Variants in MCTP1 observed in about 807,000 individuals in gnomAD.
The protein encoded by MCTP1 is multiple C2 and transmembrane domain-containing protein 1.
In MCTP1, 69 loss-of-function variants were observed where a neutral mutation model predicts 120.6. The observed-to-expected ratio is 0.57, with a 90% CI of 0.47 to 0.70. The LOEUF is 0.70. Ranked by LOEUF, MCTP1 falls within the 30% of genes least tolerant of loss-of-function variation. The probability of loss-of-function intolerance (pLI) is 0.00; values close to 1 mark genes in which losing one functional copy is unlikely to be tolerated. For missense variants in MCTP1, 1,203 were observed against 1,248.8 expected (o/e 0.96, Z 0.55); for synonymous variants, 529 against 493.1 (o/e 1.07, Z -0.96).
chr5:95,057,818 A>C (rs1478539003), intron 1 of MCTP1, among the ~76,000 whole-genome samples: 1 of 152,204 alleles, frequency 6.6e-6, no homozygotes, highest in Non-Finnish European at 1.5e-5. Context: ...GTGGATCACC[A>C]ATGATCCGCA....
At chr5:94,855,781 A>G (rs1794620565) in intron 17 of MCTP1, among the ~76,000 whole-genome samples, 1 of 151,810 alleles carries the variant, frequency 6.6e-6, no homozygotes, top group African/African-American at 2.4e-5. Context: ...CTGCTTTAAC[A>G]AACACCATGA....
At chr5:95,087,509 G>T (rs1231539747) in intron 1 of MCTP1, among the ~76,000 whole-genome samples, 1 of 152,186 alleles carries the variant, frequency 6.6e-6, no homozygotes, top group East Asian at 1.9e-4. Flanking sequence ...ATGTGGGAAG[G>T]GGCTAGATCT....
At chr5:95,235,019 T>C (rs1188620731) in intron 1 of MCTP1, among the ~76,000 whole-genome samples, 1 of 151,980 alleles carries the variant, frequency 6.6e-6, no homozygotes, top group African/African-American at 2.4e-5. Context: ...ACAAAGACAT[T>C]ATAAGAAAAC....
chr5:95,134,215 T>C (rs1046092334), intron 1 of MCTP1, among the ~76,000 whole-genome samples: 2 of 152,234 alleles, frequency 1.3e-5, no homozygotes, highest in Non-Finnish European at 2.9e-5. Flanking sequence ...CAGTGTAGTA[T>C]GTTTATGATT....
intron 1 of MCTP1, among the ~76,000 whole-genome samples, chr5:95,243,957 C>T (rs1412780728): frequency 6.6e-6 from 1 of 152,188 alleles, no homozygotes; most frequent in African/African-American, 2.4e-5. Flanking sequence ...ACTGGTGCCT[C>T]GCCTTTCACA....
At chr5:94,979,824 GCTTTT>G (rs1021996877) in intron 2 of MCTP1, among the ~76,000 whole-genome samples, 1 of 151,946 alleles carries the variant, frequency 6.6e-6, no homozygotes, top group African/African-American at 2.4e-5. Flanking sequence ...AAGAAAAACA[GCTTTT>G]CTTAGGTTAA....
chr5:95,265,498 C>T (rs1048848501), intron 1 of MCTP1, among the ~76,000 whole-genome samples: 4 of 152,232 alleles, frequency 2.6e-5, no homozygotes, highest in Non-Finnish European at 5.9e-5. Flanking sequence ...TCTTTCTTCA[C>T]GGTGATTTCA....
chr5:94,873,471 A>T (rs1798204979), intron 12 of MCTP1, among the ~76,000 whole-genome samples: 1 of 152,056 alleles, frequency 6.6e-6, no homozygotes, highest in Non-Finnish European at 1.5e-5. Flanking sequence ...AAAGTAAAAG[A>T]GACAAAATTA....
At chr5:95,224,799 C>T (rs186994991) in intron 1 of MCTP1, among the ~76,000 whole-genome samples, 30 of 152,304 alleles carry the variant, frequency 2.0e-4, no homozygotes, top group Non-Finnish European at 3.2e-4. Flanking sequence ...GCATGAGCCA[C>T]CACACCCAGC....
At chr5:94,835,175 G>A (rs1281057607) in intron 17 of MCTP1, among the ~76,000 whole-genome samples, 2 of 152,148 alleles carry the variant, frequency 1.3e-5, no homozygotes, top group African/African-American at 4.8e-5. Context: ...AGATTTAAGG[G>A]TTTGAGCATT....
Position 95,025,912 on chromosome 5 carries a change from A to T in MCTP1, c.721-8428T>A, listed in dbSNP as rs1220668931. 2.0e-5 allele frequency among the ~76,000 whole-genome samples: 3 copies of T among 152,196 alleles called. No individual in the cohort carries two copies. In the East Asian group the frequency reaches 5.8e-4, roughly 29 times the overall value. On this transcript the variant is annotated intron_variant, in intron 1 of 22. Transcript: ENST00000515393. Reference sequence around the variant, plus strand: ...AAGATTCTCCAGACTTTTCTTATAGATATCATGAAACACCTGAGTAATATG... The same window carrying T: ...AAGATTCTCCAGACTTTTCTTATAGTTATCATGAAACACCTGAGTAATATG...
intron 1 of MCTP1, among the ~76,000 whole-genome samples, chr5:95,243,933 G>A (rs998935063): frequency 2.0e-5 from 3 of 152,174 alleles, no homozygotes; most frequent in African/African-American, 7.2e-5. Context: ...GAGAGTATTC[G>A]AAGACGATTC....
chr5:95,283,829 G>C lies in MCTP1; in HGVS notation c.720+27C>G, dbSNP rs1227833741. Reference sequence around the variant, plus strand: ...AGGGAGGCGTGGTCCCGCGCACCTTGTCTCCGGCCGCGCCACCGGCACTCA... The same window carrying C: ...AGGGAGGCGTGGTCCCGCGCACCTTCTCTCCGGCCGCGCCACCGGCACTCA... On this transcript the variant is annotated intron_variant, in intron 1 of 22. Coordinates refer to ENST00000515393, the MANE Select transcript of MCTP1 (RefSeq NM_024717.7). The C allele has an allele frequency of 1.2e-5, 14 of 1,201,140 alleles. No individual in the cohort carries two copies. In the African/African-American group the frequency reaches 2.3e-4, roughly 20 times the overall value. 74.4% of individuals were successfully genotyped at this position (1,201,140 alleles called of 1,614,324 possible).
chr5:94,988,120 T>C (rs1320900280), intron 2 of MCTP1, among the ~76,000 whole-genome samples: 2 of 152,186 alleles, frequency 1.3e-5, no homozygotes, highest in African/African-American at 2.4e-5. Context: ...GATATGTCTT[T>C]ATTTCTATAT....
intron 7 of MCTP1, among the ~76,000 whole-genome samples, chr5:94,922,729 C>A (rs1222652034): frequency 6.6e-6 from 1 of 152,144 alleles, no homozygotes; most frequent in Non-Finnish European, 1.5e-5. Context: ...CTCAGGTGAT[C>A]TGCCCGCCTC....
intron 8 of MCTP1, among the ~76,000 whole-genome samples, chr5:94,917,343 G>A (rs1810342301): frequency 6.6e-6 from 1 of 152,148 alleles, no homozygotes; most frequent in South Asian, 2.1e-4. Context: ...AAAAAGGCAG[G>A]AAGAATAAAA....
At chr5:95,167,335 T>G (rs1040613527) in intron 1 of MCTP1, among the ~76,000 whole-genome samples, 4 of 152,220 alleles carry the variant, frequency 2.6e-5, no homozygotes, top group Non-Finnish European at 5.9e-5. Context: ...TGGTTCCAAG[T>G]CTTTGCTATT....
intron 1 of MCTP1, among the ~76,000 whole-genome samples, chr5:95,195,706 G>C (rs1750309946): frequency 6.6e-6 from 1 of 151,978 alleles, no homozygotes; most frequent in South Asian, 2.1e-4. Flanking sequence ...ACAGCAGAGA[G>C]GGGTATAAAG....
intron 1 of MCTP1, among the ~76,000 whole-genome samples, chr5:95,280,110 G>A (rs1760194309): frequency 6.6e-6 from 1 of 152,158 alleles, no homozygotes; most frequent in Non-Finnish European, 1.5e-5. Flanking sequence ...GAATCATTTT[G>A]TTAAATATGT....
Sources: allele counts gnomAD v4.1 joint callset (sites outside exome capture counted in the v4.1 genomes callset), GRCh38; gene constraint gnomAD v4.1.1; transcripts MANE v1.5; gene names NCBI Gene and HGNC (gene_info 2026-07-23, HGNC 2026-07-21).